ANO4: variants seen among roughly 807,000 people sequenced by gnomAD.
The protein encoded by ANO4 is anoctamin-4.
A neutral mutation model predicts 141.9 loss-of-function variants in ANO4; 69 were observed. The observed-to-expected ratio is 0.49, with a 90% CI of 0.40 to 0.59. ANO4 has a LOEUF of 0.59. Ranked by LOEUF, ANO4 falls within the 20% of genes least tolerant of loss-of-function variation. The pLI is 0.00. For synonymous variants in ANO4, 350 were observed against 394.3 expected (o/e 0.89, Z 1.33); for missense variants, 894 against 1,162.2 (o/e 0.77, Z 3.36).
chr12:101,003,716 T>C (rs2045749813), intron 8 of ANO4, among the ~76,000 whole-genome samples: 1 of 152,166 alleles, frequency 6.6e-6, no homozygotes, highest in Non-Finnish European at 1.5e-5. Flanking sequence ...TGATCTATTG[T>C]ATAGTAGGAT....
At chr12:100,988,889 G>GAAAAAAAAA (rs57790317) in intron 8 of ANO4, among the ~76,000 whole-genome samples, 2 of 78,732 alleles carry the variant, frequency 2.5e-5, no homozygotes, top group Non-Finnish European at 5.4e-5. Flanking sequence ...AAAAAAAAAA[G>GAAAAAAAAA]AAAGAAAAAC....
intron 6 of ANO4, among the ~76,000 whole-genome samples, chr12:100,972,373 T>C (rs1157006078): frequency 6.6e-6 from 1 of 152,226 alleles, no homozygotes; most frequent in African/African-American, 2.4e-5. Flanking sequence ...AGGCTTGTAA[T>C]GTATCTCCCT....
chr12:101,125,450 AC>A (rs1287523991), intron 26 of ANO4, among the ~76,000 whole-genome samples: 3 of 152,058 alleles, frequency 2.0e-5, no homozygotes, highest in Admixed American at 1.3e-4. Context: ...CTATTTGAAT[AC>A]CCTTTATTTA....
intron 3 of ANO4, among the ~76,000 whole-genome samples, chr12:100,932,515 G>C (rs951476352): frequency 6.6e-6 from 1 of 151,932 alleles, no homozygotes; most frequent in South Asian, 2.1e-4. Flanking sequence ...TAATTAGTTC[G>C]TCCATTTATT....
chr12:100,810,341 G>C (rs1438204926), intron 1 of ANO4, among the ~76,000 whole-genome samples: 2 of 152,094 alleles, frequency 1.3e-5, no homozygotes, highest in South Asian at 2.1e-4. Flanking sequence ...TGCTTGGCAT[G>C]GTTAAGGAAT....
At chr12:100,974,402 G>C (rs745570451) in intron 6 of ANO4, among the ~76,000 whole-genome samples, 2 of 151,858 alleles carry the variant, frequency 1.3e-5, no homozygotes, top group Non-Finnish European at 2.9e-5. Context: ...TACCATGAGA[G>C]ACGTGTCTTG....
rs200003191 is a variant in ANO4, at chr12:101,119,458, TAAAAG to T, written c.2571-1052_2571-1048del. Among the ~76,000 whole-genome samples the T allele has an allele frequency of 8.0e-3, 1,217 of 151,898 alleles. 19 individuals carry two copies. Among genetic ancestry groups the T allele is most frequent in the African/African-American group, 0.027 (1,125 of 41,426 alleles). On this transcript the variant is annotated intron_variant, in intron 25 of 27. Coordinates refer to ENST00000392977, the MANE Select transcript of ANO4 (RefSeq NM_001286615.2). Reference sequence around the variant, plus strand: ...GACAGAGCGAGATTCTGTCTCAACATAAAAGAAAAGAAAATATAGGAATGACCAGC... The same window carrying T: ...GACAGAGCGAGATTCTGTCTCAACATAAAAGAAAATATAGGAATGACCAGC...
intron 3 of ANO4, among the ~76,000 whole-genome samples, chr12:100,926,545 AACTTGATTGCTTTTT>A (rs1333136361): frequency 6.6e-6 from 1 of 152,106 alleles, no homozygotes; most frequent in African/African-American, 2.4e-5. Context: ...ACAGGAAAAC[AACTTGATTGCTTTTT>A]AGGAACAGGC....
intron 1 of ANO4, among the ~76,000 whole-genome samples, chr12:100,819,155 G>A (rs2035899733): frequency 6.6e-6 from 1 of 151,618 alleles, no homozygotes; most frequent in Non-Finnish European, 1.5e-5. Flanking sequence ...TGATGCAATA[G>A]TAATTTTCAA....
chr12:100,933,099 C>T (rs1164798015), intron 3 of ANO4, among the ~76,000 whole-genome samples: 1 of 128,632 alleles, frequency 7.8e-6, no homozygotes, highest in Non-Finnish European at 1.7e-5. Context: ...TTCTCTCCTT[C>T]TTGTCATTCT....
chr12:100,720,051 A>G (rs1446020553), intron 1 of ANO4, among the ~76,000 whole-genome samples: 1 of 152,206 alleles, frequency 6.6e-6, no homozygotes, highest in Non-Finnish European at 1.5e-5. Flanking sequence ...TAAATGGTTT[A>G]GGTTCTTAAC....
At chr12:100,930,942 G>C (rs2042066296) in intron 3 of ANO4, among the ~76,000 whole-genome samples, 1 of 152,146 alleles carries the variant, frequency 6.6e-6, no homozygotes, top group African/African-American at 2.4e-5. Flanking sequence ...CCTCAAAAGG[G>C]CTGTAGGGTT....
chr12:100,896,157 A>G (rs756625275), intron 1 of ANO4, among the ~76,000 whole-genome samples: 1 of 152,118 alleles, frequency 6.6e-6, no homozygotes, highest in African/African-American at 2.4e-5. Context: ...TCCACATTCT[A>G]ATTCCCAGAA....
intron 14 of ANO4, among the ~76,000 whole-genome samples, chr12:101,057,631 T>A (rs564849515): frequency 2.9e-4 from 44 of 152,372 alleles, no homozygotes; most frequent in African/African-American, 9.9e-4. Context: ...TGAGCTTTTT[T>A]TCATATGTTT....
At chr12:101,027,886 G>A (rs575724637) in intron 9 of ANO4, among the ~76,000 whole-genome samples, 63 of 152,126 alleles carry the variant, frequency 4.1e-4, no homozygotes, top group African/African-American at 1.4e-3. Flanking sequence ...CTTCCAACAG[G>A]GGTTGTCAGA....
At chr12:100,887,942 C>T (rs533820131) in intron 1 of ANO4, among the ~76,000 whole-genome samples, 64 of 152,128 alleles carry the variant, frequency 4.2e-4, no homozygotes, top group Non-Finnish European at 8.2e-4. Flanking sequence ...AAGGAAAACC[C>T]TTAAACTTTT....
intron 8 of ANO4, among the ~76,000 whole-genome samples, chr12:101,001,841 G>A (rs1324246787): frequency 6.6e-6 from 1 of 152,152 alleles, no homozygotes; most frequent in East Asian, 1.9e-4. Flanking sequence ...GAAGATGGTA[G>A]TTTATTCAAA....
At chr12:100,868,532 C>A (rs1167734239) in intron 1 of ANO4, among the ~76,000 whole-genome samples, 1 of 152,094 alleles carries the variant, frequency 6.6e-6, no homozygotes, top group Admixed American at 6.5e-5. Flanking sequence ...AGTTAAATGC[C>A]GCCAACCAGT....
chr12:101,021,352 G>C (rs571872141), intron 9 of ANO4, among the ~76,000 whole-genome samples: 1 of 152,326 alleles, frequency 6.6e-6, no homozygotes, highest in South Asian at 2.1e-4. Flanking sequence ...GTAGAAGTAT[G>C]TGCTACAGAA....
Sources: gnomAD v4.1 joint callset for allele counts (sites outside exome capture counted in the v4.1 genomes callset) on GRCh38, gnomAD v4.1.1 for gene constraint, MANE v1.5 for transcripts, NCBI Gene and HGNC (gene_info 2026-07-23, HGNC 2026-07-21) for gene names.